PAX4: variants seen among roughly 807,000 people sequenced by gnomAD.
The protein encoded by PAX4 is paired box 4.
Under a neutral mutation model 40.6 loss-of-function variants are expected in PAX4, and 33 were observed. The ratio of observed to expected loss-of-function variants is 0.81; its 90% confidence interval spans 0.62 to 1.09. PAX4 has a LOEUF of 1.09. PAX4 is among the 50% of genes least tolerant of loss of function. PAX4 has a pLI of 0.00. For missense variants in PAX4, 459 were observed against 442.5 expected, an observed-to-expected ratio of 1.04 and a Z score of -0.33; for synonymous variants, 174 against 170.6, an observed-to-expected ratio of 1.02 and a Z score of -0.16.
In PAX4 at chr7:127,612,467, GTGGATGGATGGATGGA is replaced by G. The variant is rs68012321; in HGVS notation, c.716-483_716-468del. On this transcript the variant is annotated intron_variant, in intron 9 of 11. Transcript: ENST00000639438. The stretch of plus-strand genomic sequence containing the variant: ...CATGGATGGATGCATGAATGAATGG[GTGGATGGATGGATGGA>G]TGGATGGATGGATGGATGGATGGAT... 3.8e-3 allele frequency among the ~76,000 whole-genome samples: 533 copies of G among 141,962 alleles called. 3 individuals carry two copies. The highest frequency in any genetic ancestry group is 3.6e-3 in the Admixed American group (52 of 14,260). 93.1% of individuals were successfully genotyped at this position (141,962 alleles called of 152,430 possible).
rs1309486221 is a variant in PAX4, at chr7:127,610,391, T to C, written c.*673A>G. ...CAAATACAAAATACATATGACAAAA[T>C]ACATATGACAAAAATACATAATTTT... On this transcript the variant is annotated 3_prime_UTR_variant, in exon 12 of 12. Coordinates refer to ENST00000639438, the MANE Select transcript of PAX4 (RefSeq NM_001366110.1). 1 of 157,378 alleles carries C rather than the reference T, an allele frequency of 6.4e-6. No homozygotes were observed. Among genetic ancestry groups the C allele is most frequent in the Admixed American group, 6.0e-5 (1 of 16,764 alleles). 9.7% of individuals were successfully genotyped at this position (157,378 alleles called of 1,614,324 possible).
rs327517 is a variant in PAX4, at chr7:127,613,775, T to C, written c.543A>G (p.Gln181=). The C allele has an allele frequency of 0.012, 19,536 of 1,613,910 alleles. 1,216 individuals carry two copies. The African/African-American group carries it at 0.17, about 14-fold the overall frequency. The part of the protein sequence containing the change: ...HRNRTIFSPS[Q]AEALEKEFQR... ...CAGCACCTTTCTCCAGTGCCTCTGC[T>C]TGGCTTGGGGAGAAGATAGTCCGAT... The change falls in exon 7 of 12, where the codon CAA becomes CAG. Residue 181 remains glutamine (Q), a synonymous_variant. Coordinates refer to ENST00000639438, the MANE Select transcript of PAX4 (RefSeq NM_001366110.1).
In PAX4 at chr7:127,610,810, TA is replaced by T; in HGVS notation, c.*253del. ...TGATGGACAACAGAACTACTGCTAA[TA>T]AAAACAGCTTTTATTACTGCTGAGT... On this transcript the variant is annotated 3_prime_UTR_variant, in exon 12 of 12. Transcript: ENST00000639438. 6.8e-7 allele frequency: 1 copy of T among 1,471,302 alleles called. No individual in the cohort carries two copies. Among genetic ancestry groups the T allele is most frequent in the Non-Finnish European group, 9.2e-7 (1 of 1,087,710 alleles). 91.1% of individuals were successfully genotyped at this position (1,471,302 alleles called of 1,614,324 possible).
intron 5 of PAX4, 36 bp from the exon 6 acceptor site, chr7:127,614,593 C>T (rs576069097): frequency 7.6e-5 from 115 of 1,515,280 alleles, no homozygotes; most frequent in Non-Finnish European, 1.0e-4. Context: ...AGAGATGGTG[C>T]TCAGACTCAG....
chr7:127,610,981 A>G lies in PAX4; in HGVS notation c.*83T>C, dbSNP rs767666046. The G allele has an allele frequency of 1.3e-6, 2 of 1,552,814 alleles. No homozygotes were observed. Among genetic ancestry groups the G allele is most frequent in the Non-Finnish European group, 1.7e-6 (2 of 1,147,666 alleles). The stretch of plus-strand genomic sequence containing the variant: ...CAATCACAGGAAGGAGGAAGGAGCC[A>G]CAGTCTGTATGGGCAGGACGGTAAG... On this transcript the variant is annotated 3_prime_UTR_variant, in exon 12 of 12. Coordinates refer to ENST00000639438, the MANE Select transcript of PAX4 (RefSeq NM_001366110.1).
At chr7:127,614,448 T>C in intron 6 of PAX4, 34 bp downstream of exon 6, 1 of 1,513,472 alleles carries the variant, frequency 6.6e-7, no homozygotes, top group Non-Finnish European at 9.0e-7. Flanking sequence ...GAGATTTGGC[T>C]GTGATTAGCC....
At position 127,610,984 on chromosome 7, in the gene PAX4, G is replaced by A. The variant is rs1214147146; in HGVS notation, c.*80C>T. On this transcript the variant is annotated 3_prime_UTR_variant, in exon 12 of 12. Transcript: ENST00000639438. ...TCACAGGAAGGAGGAAGGAGCCACA[G>A]TCTGTATGGGCAGGACGGTAAGGAC... 2 of 1,553,168 alleles carry A rather than the reference G, an allele frequency of 1.3e-6. No individual in the cohort carries two copies. The highest frequency in any genetic ancestry group is 3.9e-5 in the Admixed American group (2 of 51,152).
intron 3 of PAX4, 29 bp from the exon 4 acceptor site, chr7:127,615,560 C>T: frequency 6.2e-7 from 1 of 1,612,822 alleles, no homozygotes; most frequent in South Asian, 1.1e-5. Context: ...TATCCACACA[C>T]CACCTCTCCC....
rs1587552554 is a variant in PAX4, at chr7:127,615,970, G to A, written c.-42C>T. On this transcript the variant is annotated 5_prime_UTR_variant, in exon 3 of 12. Coordinates refer to ENST00000639438, the MANE Select transcript of PAX4 (RefSeq NM_001366110.1). ...CCTCAGAAGGATGAGACTCCAGCTG[G>A]GAAGGCTGGGAAGGGAAGTTCCTTC... 2.0e-6 allele frequency: 3 copies of A among 1,535,378 alleles called. No individual in the cohort carries two copies. The highest frequency in any genetic ancestry group is 2.6e-6 in the Non-Finnish European group (3 of 1,146,432).
intron 11 of PAX4, 58 bp downstream of exon 11, chr7:127,611,477 T>C (rs1387013399): frequency 6.2e-6 from 10 of 1,611,440 alleles, no homozygotes; most frequent in Middle Eastern, 1.9e-4. Flanking sequence ...CTCCTGGAGG[T>C]TGAGTCAGTC....
intron 4 of PAX4, 119 bp downstream of exon 4, chr7:127,615,282 A>G: frequency 1.9e-6 from 3 of 1,605,650 alleles, no homozygotes; most frequent in Non-Finnish European, 2.5e-6. Context: ...ATCTCCCAGG[A>G]AGTGACCCAA....
At position 127,614,465 on chromosome 7, in the gene PAX4, A is replaced by G. The variant is rs773666750; in HGVS notation, c.436+17T>C. 17 of 1,577,800 alleles carry G rather than the reference A, an allele frequency of 1.1e-5. No individual in the cohort carries two copies. In the African/African-American group the frequency reaches 2.3e-4, roughly 21 times the overall value. The stretch of plus-strand genomic sequence containing the variant: ...GATTTGGCTGTGATTAGCCCTGGGG[A>G]CAACTCCAAGACCCACCTGGTGACC... On this transcript the variant is annotated intron_variant, in intron 6 of 11. Transcript: ENST00000639438.
At position 127,611,515 on chromosome 7, in the gene PAX4, G is replaced by A. The variant is rs767945503; in HGVS notation, c.913+20C>T. On this transcript the variant is annotated intron_variant, in intron 11 of 11. Coordinates refer to ENST00000639438, the MANE Select transcript of PAX4 (RefSeq NM_001366110.1). Reference sequence around the variant, plus strand: ...CCCTCCCTACATCCTGCAGGACTGAGGCCTGGCCTGAATTCTTACCCCAGC... The same window carrying A: ...CCCTCCCTACATCCTGCAGGACTGAAGCCTGGCCTGAATTCTTACCCCAGC... 4 of 1,613,492 alleles carry A rather than the reference G, an allele frequency of 2.5e-6. No homozygotes were observed. The highest frequency in any genetic ancestry group is 3.4e-6 in the Non-Finnish European group (4 of 1,179,832).
In PAX4 at chr7:127,615,449, C is replaced by T. The variant is rs770946559; in HGVS notation, c.96G>A (p.Arg32=). ...LPLDTRQQIV[R]LAVSGMRPCD... is the part of the protein sequence containing the mutation. ...AGGGCCGCATTCCACTGACTGCTAG[C>T]CGCACAATCTGCTGCCGGGTATCCA... Residue 32 remains arginine, a synonymous_variant, in exon 4 of 12, where the codon CGG becomes CGA. Transcript: ENST00000639438. 34 of 1,614,210 alleles carry T rather than the reference C, an allele frequency of 2.1e-5. No individual in the cohort carries two copies. The highest frequency in any genetic ancestry group is 2.0e-4 in the South Asian group (18 of 91,082).
At position 127,610,974 on chromosome 7, in the gene PAX4, A is replaced by AGGAGCCAC; in HGVS notation, c.*82_*89dup. 6.4e-7 allele frequency: 1 copy of AGGAGCCAC among 1,552,078 alleles called. No homozygotes were observed. The highest frequency in any genetic ancestry group is 8.7e-7 in the Non-Finnish European group (1 of 1,147,404). On this transcript the variant is annotated 3_prime_UTR_variant, in exon 12 of 12. Transcript: ENST00000639438. ...GAGGGAGCAATCACAGGAAGGAGGA[A>AGGAGCCAC]GGAGCCACAGTCTGTATGGGCAGGA... is the stretch of plus-strand genomic sequence containing the variant.
intron 9 of PAX4, among the ~76,000 whole-genome samples, chr7:127,612,431 A>C (rs1794644246): frequency 6.6e-6 from 1 of 151,912 alleles, no homozygotes; most frequent in African/African-American, 2.4e-5. Context: ...GGATGAATGC[A>C]TGAGCAGATG....
At chr7:127,614,056 G>A (rs778452828) in intron 6 of PAX4, among the ~76,000 whole-genome samples, 175 bp from the exon 7 acceptor site, 2 of 152,038 alleles carry the variant, frequency 1.3e-5, no homozygotes, top group East Asian at 3.9e-4. Flanking sequence ...GGTGGAAAGG[G>A]TGCTCAATAC....
At chr7:127,617,424 G>GT (rs2116149509) in intron 1 of PAX4, 24 bp from the exon 2 acceptor site, 1 of 152,280 alleles carries the variant, frequency 6.6e-6, no homozygotes, top group South Asian at 2.1e-4. Flanking sequence ...AAAATTCAAG[G>GT]TTTAGAAGCC....
chr7:127,616,632 G>T (rs761744212), intron 2 of PAX4, among the ~76,000 whole-genome samples: 2 of 152,220 alleles, frequency 1.3e-5, no homozygotes, highest in Non-Finnish European at 2.9e-5. Flanking sequence ...CGCCTGAAGA[G>T]CCGGCTTCTC....
Sources: gnomAD v4.1 joint callset for allele counts (sites outside exome capture counted in the v4.1 genomes callset) on GRCh38, gnomAD v4.1.1 for gene constraint, MANE v1.5 for transcripts, NCBI Gene and HGNC (gene_info 2026-07-23, HGNC 2026-07-21) for gene names.